RPSA2: variants seen among roughly 807,000 people sequenced by gnomAD.
RPSA2 encodes the protein ribosomal protein SA 2, also known as small ribosomal subunit protein uS2B.
the RPSA2 span, among the ~76,000 whole-genome samples, chr19:23,804,657 A>G: frequency 1.3e-5 from 2 of 152,144 alleles, no homozygotes; most frequent in African/African-American, 2.4e-5. Flanking sequence ...CAGCACTGAC[A>G]GGGGACTTCT....
At chr19:23,831,681 A>G in the RPSA2 span, 1 of 232,806 alleles carries the variant, frequency 4.3e-6, no homozygotes, top group Non-Finnish European at 9.6e-6. Context: ...AGAAGACATG[A>G]AAAATGTGGA....
chr19:23,859,496 A>T, the RPSA2 span, among the ~76,000 whole-genome samples: 1 of 152,132 alleles, frequency 6.6e-6, no homozygotes, highest in South Asian at 2.1e-4. Flanking sequence ...GCGTGGTGGC[A>T]CATGCCTGTA....
chr19:23,830,199 T>C, the RPSA2 span, among the ~76,000 whole-genome samples: 2 of 152,168 alleles, frequency 1.3e-5, no homozygotes, highest in Non-Finnish European at 1.5e-5. Context: ...GGCTGGAGCA[T>C]AGTGGTATGA....
chr19:23,849,313 G>T, the RPSA2 span, among the ~76,000 whole-genome samples: 1 of 80,330 alleles, frequency 1.2e-5, no homozygotes, highest in East Asian at 4.0e-4. Flanking sequence ...AATCTGAGGT[G>T]CCCAGGGATG....
At chr19:23,780,210 C>T in the RPSA2 span, among the ~76,000 whole-genome samples, 1 of 152,154 alleles carries the variant, frequency 6.6e-6, no homozygotes, top group Non-Finnish European at 1.5e-5. Flanking sequence ...TGGTACAGAG[C>T]ATGTCATCAT....
the RPSA2 span, among the ~76,000 whole-genome samples, chr19:23,813,275 A>G: frequency 1.3e-5 from 2 of 151,846 alleles, no homozygotes; most frequent in Non-Finnish European, 2.9e-5. Flanking sequence ...TATGTTAACT[A>G]TATTCACATT....
At chr19:23,865,303 C>A in the RPSA2 span, among the ~76,000 whole-genome samples, 2 of 152,182 alleles carry the variant, frequency 1.3e-5, no homozygotes, top group Non-Finnish European at 2.9e-5. Context: ...CAGTCTGGAT[C>A]TCAAGTTAAT....
At chr19:23,807,748 C>A in the RPSA2 span, 1 of 310,416 alleles carries the variant, frequency 3.2e-6, no homozygotes, top group Admixed American at 3.9e-5. Flanking sequence ...TTTTTACTCT[C>A]TCATTTTGCC....
chr19:23,769,592 C>A, the RPSA2 span, among the ~76,000 whole-genome samples: 1 of 152,238 alleles, frequency 6.6e-6, no homozygotes, highest in African/African-American at 2.4e-5. Context: ...GATCCACCTG[C>A]CTTGACCTCC....
chr19:23,799,655 C>A, the RPSA2 span, among the ~76,000 whole-genome samples: 292 of 1,218 alleles, frequency 0.24, 16 homozygotes, highest in Non-Finnish European at 0.28. Flanking sequence ...ACTGTAACCC[C>A]GTCCTCAGGG....
At chr19:23,869,918 A>C in the RPSA2 span, among the ~76,000 whole-genome samples, 1 of 152,226 alleles carries the variant, frequency 6.6e-6, no homozygotes, top group Non-Finnish European at 1.5e-5. Flanking sequence ...TTGGCAGCTA[A>C]GGCGGACCAG....
chr19:23,786,272 A>G, the RPSA2 span, among the ~76,000 whole-genome samples: 3 of 152,274 alleles, frequency 2.0e-5, no homozygotes, highest in South Asian at 4.1e-4. Flanking sequence ...TCTTACCTAG[A>G]ACTGGGACCT....
At chr19:23,807,095 G>GT in the RPSA2 span, among the ~76,000 whole-genome samples, 2 of 151,936 alleles carry the variant, frequency 1.3e-5, no homozygotes, top group South Asian at 2.1e-4. Flanking sequence ...CACTATAGAG[G>GT]TTTTTTTTCC....
chr19:23,846,762 A>G, the RPSA2 span, among the ~76,000 whole-genome samples: 3 of 152,148 alleles, frequency 2.0e-5, no homozygotes, highest in African/African-American at 7.2e-5. Context: ...ATAAATGACT[A>G]GATGCTTTTC....
the RPSA2 span, among the ~76,000 whole-genome samples, chr19:23,870,492 A>G: frequency 6.6e-6 from 1 of 150,536 alleles, no homozygotes; most frequent in South Asian, 2.1e-4. Flanking sequence ...GGGAGCTTTC[A>G]CATCCAACAT....
the RPSA2 span, among the ~76,000 whole-genome samples, chr19:23,851,981 A>G: frequency 1.2e-3 from 179 of 152,312 alleles, no homozygotes; most frequent in African/African-American, 4.1e-3. Context: ...ACTATTCTAC[A>G]CCGAGCTTGT....
the RPSA2 span, chr19:23,842,441 C>G: frequency 6.6e-6 from 1 of 152,030 alleles, no homozygotes; most frequent in Non-Finnish European, 1.5e-5. Context: ...TAATTCCAGT[C>G]TCTTATGTAA....
At chr19:23,786,380 C>T in the RPSA2 span, among the ~76,000 whole-genome samples, 61 of 152,116 alleles carry the variant, frequency 4.0e-4, no homozygotes, top group African/African-American at 1.4e-3. Flanking sequence ...GCTGCCTGGT[C>T]CCAGTCTGAA....
the RPSA2 span, among the ~76,000 whole-genome samples, chr19:23,767,215 T>A: frequency 4.4e-3 from 674 of 152,240 alleles, 4 homozygotes; most frequent in Non-Finnish European, 7.2e-3. Context: ...GATTTGGGGT[T>A]ACAGGCGTGA....
Sources: allele counts gnomAD v4.1 joint callset (sites outside exome capture counted in the v4.1 genomes callset), GRCh38; gene constraint gnomAD v4.1.1; transcripts MANE v1.5; gene names NCBI Gene and HGNC (gene_info 2026-07-23, HGNC 2026-07-21).